ZPBP: variants seen among roughly 807,000 people sequenced by gnomAD.
ZPBP encodes zona pellucida binding protein, also known as zona pellucida-binding protein 1.
ZPBP carries 26 observed loss-of-function variants against 44.8 expected under a neutral mutation model. The observed-to-expected ratio is 0.58, with a 90% CI of 0.43 to 0.81. The LOEUF (loss-of-function observed/expected upper bound fraction) is 0.81, where lower values mean the gene tolerates loss of function less well. ZPBP is among the 30% of genes least tolerant of loss of function. ZPBP has a pLI of 0.00. For synonymous variants in ZPBP, 174 were observed against 153.2 expected, an observed-to-expected ratio of 1.14 and a Z score of -1.00; for missense variants, 409 against 434.0, an observed-to-expected ratio of 0.94 and a Z score of 0.51.
At chr7:49,940,831 G>C in intron 7 of ZPBP, 1 of 984,204 alleles carries the variant, frequency 1.0e-6, no homozygotes, top group Non-Finnish European at 1.2e-6. Context: ...CATGCCTGTG[G>C]GATTGGTTTG....
At chr7:49,930,286 A>T (rs560215114) in intron 1 of ZPBP, among the ~76,000 whole-genome samples, 1 of 152,286 alleles carries the variant, frequency 6.6e-6, no homozygotes, top group East Asian at 1.9e-4. Flanking sequence ...TAACTGACAC[A>T]CGTCTTCACC....
At chr7:49,998,013 G>A (rs1024444366) in intron 6 of ZPBP, among the ~76,000 whole-genome samples, 4 of 152,202 alleles carry the variant, frequency 2.6e-5, no homozygotes, top group Admixed American at 6.5e-5. Flanking sequence ...TGCCTCCTGG[G>A]TTCAAGCAAT....
At chr7:49,960,843 C>G (rs1474245985) in intron 7 of ZPBP, among the ~76,000 whole-genome samples, 2 of 152,000 alleles carry the variant, frequency 1.3e-5, no homozygotes, top group Non-Finnish European at 2.9e-5. Flanking sequence ...CTGACAACAC[C>G]ATGCTTTGGA....
chr7:50,090,405 C>T (rs553542239), intron 1 of ZPBP, among the ~76,000 whole-genome samples: 2 of 152,016 alleles, frequency 1.3e-5, no homozygotes, highest in African/African-American at 4.8e-5. Context: ...CAATCCCATC[C>T]AGGTTGCTGC....
At chr7:49,876,690 C>T (rs189749468) in intron 2 of ZPBP, among the ~76,000 whole-genome samples, 1 of 152,008 alleles carries the variant, frequency 6.6e-6, no homozygotes, top group Admixed American at 6.5e-5. Context: ...TTTAAGATCC[C>T]CCTTCCTCCT....
Position 49,877,481 on chromosome 7 carries a change from A to AAAAAAATATACATATATATATATATAT in ZPBP, n.509+23636_509+23637insATATATATATATATATGTATATTTTTT. Among the ~76,000 whole-genome samples, 21 of 12,726 alleles carry AAAAAAATATACATATATATATATATAT rather than the reference A, an allele frequency of 1.7e-3. 6 individuals carry two copies. The highest frequency in any genetic ancestry group is 2.8e-3 in the African/African-American group (10 of 3,604). The allele number at this position is 12,726 out of a possible 152,430, so 8.3% of individuals were successfully genotyped here. ...CTGTCTCAAAAAAAAAAAAAAAAAA[A>AAAAAAATATACATATATATATATATAT]ATATATATATATATATATATATATA... On this transcript the variant is annotated intron_variant and non_coding_transcript_variant, in intron 2 of 2. Coordinates refer to the ZPBP transcript ENST00000465922.
chr7:50,024,637 A>G (rs1298450541), intron 5 of ZPBP, among the ~76,000 whole-genome samples: 1 of 151,904 alleles, frequency 6.6e-6, no homozygotes, highest in Non-Finnish European at 1.5e-5. Flanking sequence ...TAAAAGCAGG[A>G]AGTAGAATGG....
chr7:49,948,006 G>A (rs968242695), intron 7 of ZPBP, among the ~76,000 whole-genome samples: 3 of 152,192 alleles, frequency 2.0e-5, no homozygotes, highest in Non-Finnish European at 4.4e-5. Flanking sequence ...GTATTGCCTG[G>A]CTACCACCAA....
At chr7:49,982,249 T>C (rs1243573708) in intron 7 of ZPBP, among the ~76,000 whole-genome samples, 6 of 105,746 alleles carry the variant, frequency 5.7e-5, no homozygotes, top group East Asian at 4.7e-4. Context: ...AATTATATTA[T>C]ATATTTATAT....
chr7:50,011,577 T>A (rs749796070), intron 6 of ZPBP, among the ~76,000 whole-genome samples: 2 of 152,206 alleles, frequency 1.3e-5, no homozygotes, highest in Non-Finnish European at 2.9e-5. Context: ...AGTATTTTAA[T>A]ATGTACATAA....
Position 49,983,334 on chromosome 7 carries a change from T to C in ZPBP, c.961+8A>G, listed in dbSNP as rs559717606. 1 of 1,612,858 alleles carries C rather than the reference T, an allele frequency of 6.2e-7. No individual in the cohort carries two copies. Among genetic ancestry groups the C allele is most frequent in the South Asian group, 1.1e-5 (1 of 91,032 alleles). The stretch of plus-strand genomic sequence containing the variant: ...ATATAAAACATGAAATCATAATTCA[T>C]TACATACCACAGCACTCAGGACATT... On this transcript the variant is annotated splice_region_variant and intron_variant, in intron 7 of 7. Transcript: ENST00000046087.
chr7:49,872,243 CAG>C (rs760110449), intron 2 of ZPBP, among the ~76,000 whole-genome samples: 111 of 152,060 alleles, frequency 7.3e-4, no homozygotes, highest in Middle Eastern at 3.4e-3. Flanking sequence ...GGTGGAGAGA[CAG>C]AGGGGCTACT....
Position 49,988,530 on chromosome 7 carries a change from C to A in ZPBP, c.784-5011G>T, listed in dbSNP as rs186852860. Among the ~76,000 whole-genome samples, 890 of 152,250 alleles carry A rather than the reference C, an allele frequency of 5.8e-3. 6 individuals carry two copies. Among genetic ancestry groups the A allele is most frequent in the African/African-American group, 0.02 (834 of 41,540 alleles). The stretch of plus-strand genomic sequence containing the variant: ...TTCTAAAATTCTGAGTATATGCTAT[C>A]AATCACAATTAAGGTTGTTATGCTA... On this transcript the variant is annotated intron_variant, in intron 6 of 7. Transcript: ENST00000046087.
the ZPBP span, among the ~76,000 whole-genome samples, chr7:49,845,131 G>C: frequency 6.6e-6 from 1 of 152,162 alleles, no homozygotes; most frequent in African/African-American, 2.4e-5. Context: ...GCCTGTCAGT[G>C]GGGGTGGGGG....
intron 6 of ZPBP, among the ~76,000 whole-genome samples, chr7:49,985,837 C>G (rs887850969): frequency 6.6e-6 from 1 of 152,132 alleles, no homozygotes; most frequent in Non-Finnish European, 1.5e-5. Flanking sequence ...GGGGGCCTGC[C>G]TGCACACTGG....
intron 6 of ZPBP, 135 bp from the exon 7 acceptor site, chr7:49,983,654 T>A (rs1583980374): frequency 3.4e-6 from 2 of 588,916 alleles, no homozygotes; most frequent in Non-Finnish European, 5.9e-6. Context: ...ACTCACAGAC[T>A]ATAAATAAAA....
chr7:50,091,843 C>T (rs966549049), intron 1 of ZPBP, among the ~76,000 whole-genome samples: 7 of 152,088 alleles, frequency 4.6e-5, no homozygotes, highest in African/African-American at 1.7e-4. Context: ...ACAGGAATAG[C>T]AAAGTGCAAA....
rs919576701 is a variant in ZPBP at position 50,044,457 on chromosome 7, G to A, written c.488-13147C>T. ...AGAAGAAAAGAGAGAAGAATCAAAC[G>A]GACACAATAAAAAAATAATAAAGGG... On this transcript the variant is annotated intron_variant, in intron 4 of 7. Coordinates refer to ENST00000046087, the MANE Select transcript of ZPBP (RefSeq NM_007009.3). 4.6e-5 allele frequency among the ~76,000 whole-genome samples: 7 copies of A among 151,538 alleles called. No individual in the cohort carries two copies. In the South Asian group the frequency reaches 8.4e-4, roughly 18 times the overall value.
intron 5 of ZPBP, among the ~76,000 whole-genome samples, chr7:50,020,040 T>A (rs1799013061): frequency 6.7e-6 from 1 of 149,506 alleles, no homozygotes; most frequent in South Asian, 2.1e-4. Context: ...AGAGTGAGAC[T>A]CTGTCTCAAA....
Sources: allele counts gnomAD v4.1 joint callset (sites outside exome capture counted in the v4.1 genomes callset), GRCh38; gene constraint gnomAD v4.1.1; transcripts MANE v1.5; gene names NCBI Gene and HGNC (gene_info 2026-07-23, HGNC 2026-07-21).